Variants in ARIH1 observed in about 807,000 individuals in gnomAD.
The protein encoded by ARIH1 is E3 ubiquitin-protein ligase ARIH1.
A neutral mutation model predicts 85.0 loss-of-function variants in ARIH1; 8 were observed. The ratio of observed to expected loss-of-function variants is 0.09; its 90% CI spans 0.06 to 0.17. The LOEUF (loss-of-function observed/expected upper bound fraction) is 0.17, where lower values mean the gene tolerates loss of function less well. ARIH1 is among the 10% of genes least tolerant of loss of function. The pLI, the probability that ARIH1 is intolerant of heterozygous loss-of-function variation, is 1.00. For missense variants in ARIH1, 311 were observed against 718.1 expected (o/e 0.43, Z 6.48); for synonymous variants, 238 against 253.6 (o/e 0.94, Z 0.59).
intron 1 of ARIH1, among the ~76,000 whole-genome samples, chr15:72,482,364 G>A (rs1173761413): frequency 6.6e-6 from 1 of 152,138 alleles, no homozygotes; most frequent in Non-Finnish European, 1.5e-5. Context: ...AAGCTGTTAG[G>A]TTAGTGAGTA....
chr15:72,576,009 G>A lies in ARIH1; in HGVS notation c.1215+3844G>A, dbSNP rs75735775. On this transcript the variant is annotated intron_variant, in intron 11 of 13. Transcript: ENST00000379887. Reference sequence around the variant, plus strand: ...GAGGCAGCTTGAGGTGTGCACCACCGCGCCCAACTTGTGTTGGTTTTTTGA... The same window carrying A: ...GAGGCAGCTTGAGGTGTGCACCACCACGCCCAACTTGTGTTGGTTTTTTGA... 4.9e-3 allele frequency among the ~76,000 whole-genome samples: 745 copies of A among 152,172 alleles called. 9 individuals carry two copies. Among genetic ancestry groups the A allele is most frequent in the African/African-American group, 0.017 (709 of 41,522 alleles).
intron 1 of ARIH1, 181 bp downstream of exon 1, chr15:72,475,195 T>C: frequency 7.7e-7 from 1 of 1,305,084 alleles, no homozygotes; most frequent in African/African-American, 1.6e-5. Context: ...GTTCGCCGAT[T>C]AGCCGGGTGT....
At chr15:72,540,360 C>G (rs1380019951) in intron 2 of ARIH1, among the ~76,000 whole-genome samples, 1 of 150,914 alleles carries the variant, frequency 6.6e-6, no homozygotes, top group African/African-American at 2.4e-5. Flanking sequence ...AAGGGATGAT[C>G]AATGTATTAT....
intron 2 of ARIH1, among the ~76,000 whole-genome samples, chr15:72,531,199 A>G (rs1394844846): frequency 2.6e-5 from 4 of 152,198 alleles, no homozygotes; most frequent in South Asian, 2.1e-4. Context: ...AGATCATGAA[A>G]TTTCAGCACG....
rs1012573642 is a variant in ARIH1, at chr15:72,585,542, T to C, written c.*2250T>C. 6.6e-6 allele frequency: 1 copy of C among 152,172 alleles called. No homozygotes were observed. The highest frequency in any genetic ancestry group is 2.4e-5 in the African/African-American group (1 of 41,426). 9.4% of individuals were successfully genotyped at this position (152,172 alleles called of 1,614,324 possible). On this transcript the variant is annotated 3_prime_UTR_variant, in exon 14 of 14. Coordinates refer to ENST00000379887, the MANE Select transcript of ARIH1 (RefSeq NM_005744.5). ...TGTGGTGTTTAAAAAAAAAAAATCT[T>C]ACCAGTTAACTTTGCAGTGTCTAGG...
chr15:72,523,182 C>T (rs2064008470), intron 2 of ARIH1, among the ~76,000 whole-genome samples: 1 of 152,182 alleles, frequency 6.6e-6, no homozygotes, highest in Non-Finnish European at 1.5e-5. Context: ...CATACAAAAA[C>T]CTGCACATGG....
intron 3 of ARIH1, among the ~76,000 whole-genome samples, chr15:72,545,824 G>A (rs1204023618): frequency 4.6e-5 from 7 of 152,154 alleles, no homozygotes; most frequent in South Asian, 4.1e-4. Context: ...GTGAGACTCC[G>A]TCTCAAAATA....
At chr15:72,531,650 G>T (rs1328949748) in intron 2 of ARIH1, among the ~76,000 whole-genome samples, 1 of 152,058 alleles carries the variant, frequency 6.6e-6, no homozygotes, top group Admixed American at 6.5e-5. Flanking sequence ...TACAAGAAAG[G>T]CTGCTTTCAA....
rs2064324194 is a variant in ARIH1 at position 72,587,868 on chromosome 15, T to C, written c.*4576T>C. ...TGCTTTTGTGTGGAGTTGAGTCCAA[T>C]TTTTAAGGCAACTATTGTTGACCTT... On this transcript the variant is annotated 3_prime_UTR_variant, in exon 14 of 14. Transcript: ENST00000379887. 6.6e-6 allele frequency: 1 copy of C among 152,218 alleles called. No homozygotes were observed. Among genetic ancestry groups the C allele is most frequent in the Non-Finnish European group, 1.5e-5 (1 of 68,036 alleles). The allele number at this position is 152,218 out of a possible 1,614,324, so 9.4% of individuals were successfully genotyped here.
chr15:72,551,860 A>C (rs1449693426), intron 3 of ARIH1, among the ~76,000 whole-genome samples: 2 of 152,216 alleles, frequency 1.3e-5, no homozygotes, highest in Non-Finnish European at 2.9e-5. Context: ...TATACAGTGT[A>C]AAACCTTTTT....
rs967352761 is a variant in ARIH1, at chr15:72,593,998, T to C, written c.*10706T>C. 4.6e-5 allele frequency: 7 copies of C among 152,132 alleles called. No homozygotes were observed. Among genetic ancestry groups the C allele is most frequent in the Non-Finnish European group, 7.4e-5 (5 of 67,980 alleles). 9.4% of individuals were successfully genotyped at this position (152,132 alleles called of 1,614,324 possible). On this transcript the variant is annotated 3_prime_UTR_variant, in exon 14 of 14. Transcript: ENST00000379887. ...TTTAGAATGAACATTTTAATAGTAT[T>C]GAGTCAGCTAATTCATGAACATATT...
At chr15:72,522,922 C>G (rs1215248742) in intron 2 of ARIH1, among the ~76,000 whole-genome samples, 1 of 152,098 alleles carries the variant, frequency 6.6e-6, no homozygotes, top group Non-Finnish European at 1.5e-5. Flanking sequence ...CAGGGAAATG[C>G]AAATTAAAAC....
intron 1 of ARIH1, among the ~76,000 whole-genome samples, chr15:72,482,450 G>A (rs996102708): frequency 3.3e-5 from 5 of 152,124 alleles, no homozygotes; most frequent in Non-Finnish European, 5.9e-5. Flanking sequence ...CTAGGATTTG[G>A]GTGGATAAAA....
rs545626915 is a variant in ARIH1, at chr15:72,595,331, C to T, written c.*12039C>T. On this transcript the variant is annotated 3_prime_UTR_variant, in exon 14 of 14. Coordinates refer to ENST00000379887, the MANE Select transcript of ARIH1 (RefSeq NM_005744.5). ...AGTAGCTAGGAATACAGGTGCATGTCACCACACCAGGCAAATTTAAGAAAT... is the reference window on the plus strand; with the variant it reads ...AGTAGCTAGGAATACAGGTGCATGTTACCACACCAGGCAAATTTAAGAAAT... The T allele has an allele frequency of 4.0e-5, 6 of 151,792 alleles. No homozygotes were observed. The East Asian group carries it at 1.2e-3, about 30-fold the overall frequency. 9.4% of individuals were successfully genotyped at this position (151,792 alleles called of 1,614,324 possible).
intron 2 of ARIH1, among the ~76,000 whole-genome samples, chr15:72,536,013 A>G (rs1385814775): frequency 6.6e-6 from 1 of 152,216 alleles, no homozygotes; most frequent in Non-Finnish European, 1.5e-5. Context: ...TTGAAATGCC[A>G]GGGACCTCCA....
intron 1 of ARIH1, among the ~76,000 whole-genome samples, chr15:72,507,916 G>A (rs771373546): frequency 6.6e-6 from 1 of 152,146 alleles, no homozygotes; most frequent in African/African-American, 2.4e-5. Context: ...CACATTCATG[G>A]GAGTTCTACA....
chr15:72,530,412 T>C (rs2064050816), intron 2 of ARIH1, among the ~76,000 whole-genome samples: 1 of 152,170 alleles, frequency 6.6e-6, no homozygotes, highest in Non-Finnish European at 1.5e-5. Flanking sequence ...GTTGGAATAT[T>C]AGGTCTACTA....
chr15:72,538,632 C>T (rs563026031), intron 2 of ARIH1, among the ~76,000 whole-genome samples: 141 of 152,222 alleles, frequency 9.3e-4, no homozygotes, highest in Non-Finnish European at 1.7e-3. Flanking sequence ...CTCAACCAGA[C>T]ATAAGAGCTC....
intron 2 of ARIH1, among the ~76,000 whole-genome samples, chr15:72,539,714 A>G (rs748137698): frequency 1.1e-4 from 16 of 152,228 alleles, no homozygotes; most frequent in Non-Finnish European, 2.4e-4. Flanking sequence ...AATAAAGCCT[A>G]GTGGAACTGC....
Sources: gnomAD v4.1 joint callset for allele counts (sites outside exome capture counted in the v4.1 genomes callset) on GRCh38, gnomAD v4.1.1 for gene constraint, MANE v1.5 for transcripts, NCBI Gene and HGNC (gene_info 2026-07-23, HGNC 2026-07-21) for gene names.